Variants in ACTN2 observed in about 807,000 individuals in gnomAD.
ACTN2 encodes the protein alpha-actinin-2.
Under a neutral mutation model 113.8 loss-of-function variants are expected in ACTN2, and 39 were observed. The ratio of observed to expected loss-of-function variants is 0.34; its 90% CI spans 0.27 to 0.45. The LOEUF (loss-of-function observed/expected upper bound fraction) is 0.45. Among genes scored for constraint, ACTN2 ranks in the 20% least tolerant of loss-of-function variants. The pLI, the probability that ACTN2 is intolerant of heterozygous loss-of-function variation, is 1.00. For synonymous variants in ACTN2, 429 were observed against 444.1 expected, an observed-to-expected ratio of 0.97 and a Z score of 0.43; for missense variants, 992 against 1,177.9, an observed-to-expected ratio of 0.84 and a Z score of 2.31.
chr1:236,704,922 C>A (rs983528990), intron 1 of ACTN2, among the ~76,000 whole-genome samples: 3 of 152,220 alleles, frequency 2.0e-5, no homozygotes, highest in African/African-American at 7.2e-5. Context: ...TGTTCAGACT[C>A]TTCTTAGCCT....
chr1:236,687,591 A>G (rs1665921457), intron 1 of ACTN2, among the ~76,000 whole-genome samples: 1 of 152,232 alleles, frequency 6.6e-6, no homozygotes, highest in South Asian at 2.1e-4. Context: ...CCCAACCTTA[A>G]GATAACGGGG....
In ACTN2 at chr1:236,726,040, G is replaced by T; in HGVS notation, c.536+20G>T. The T allele has an allele frequency of 6.2e-7, 1 of 1,601,652 alleles. No homozygotes were observed. On this transcript the variant is annotated intron_variant, in intron 5 of 20. Transcript: ENST00000366578. ...TACTAGGTGAGCACCCAGGGCCCCT[G>T]GTCCTTGTATTCTCAGTGGAATCTG... is the stretch of plus-strand genomic sequence containing the variant.
In ACTN2 at chr1:236,737,303, A is replaced by G. The variant is rs896268457; in HGVS notation, c.876+89A>G. On this transcript the variant is annotated intron_variant, in intron 9 of 20. Coordinates refer to ENST00000366578, the MANE Select transcript of ACTN2 (RefSeq NM_001103.4). ...GAAAAAATACTCCGTGGGGGCATAT[A>G]TATATATATATATATTTTGCATTTT... 2.0e-4 allele frequency: 56 copies of G among 282,072 alleles called. 4 individuals carry two copies. Among genetic ancestry groups the G allele is most frequent in the South Asian group, 6.4e-4 (18 of 27,988 alleles). 17.5% of individuals were successfully genotyped at this position (282,072 alleles called of 1,614,324 possible).
chr1:236,729,439 G>A (rs1572123662), intron 6 of ACTN2, among the ~76,000 whole-genome samples: 2 of 152,332 alleles, frequency 1.3e-5, no homozygotes, highest in African/African-American at 2.4e-5. Context: ...GTGCTGGTGT[G>A]CTGAGCTCGC....
intron 9 of ACTN2, among the ~76,000 whole-genome samples, chr1:236,737,600 A>C: frequency 6.7e-6 from 1 of 149,840 alleles, no homozygotes; most frequent in Non-Finnish European, 1.5e-5. Flanking sequence ...GATGCACTCC[A>C]TATGCAAAAG....
rs977332742 is a variant in ACTN2, at chr1:236,762,444, T to A, written c.2527-17T>A. 1 of 1,613,938 alleles carries A rather than the reference T, an allele frequency of 6.2e-7. No individual in the cohort carries two copies. Among genetic ancestry groups the A allele is most frequent in the Non-Finnish European group, 8.5e-7 (1 of 1,179,930 alleles). ...GTTTCTGCAACTGACTGCAAACACG[T>A]GTGTATTTTTTCCCAGCCATACATC... is the stretch of plus-strand genomic sequence containing the variant. On this transcript the variant is annotated splice_polypyrimidine_tract_variant and intron_variant, in intron 20 of 20. Coordinates refer to ENST00000366578, the MANE Select transcript of ACTN2 (RefSeq NM_001103.4).
rs1166251830 is a variant in ACTN2 at position 236,762,813 on chromosome 1, C to T, written c.*194C>T. ...AGTTTTTACAGTATATGACATAGTG[C>T]GCTTCATAAATAGGTTTATTTCTGA... On this transcript the variant is annotated 3_prime_UTR_variant, in exon 21 of 21. Transcript: ENST00000366578. 1.2e-5 allele frequency: 8 copies of T among 651,336 alleles called. No individual in the cohort carries two copies. Among genetic ancestry groups the T allele is most frequent in the South Asian group, 5.4e-5 (3 of 55,078 alleles). The allele number at this position is 651,336 out of a possible 1,614,324, so 40.3% of individuals were successfully genotyped here.
At chr1:236,707,709 C>CT (rs5781919) in intron 1 of ACTN2, among the ~76,000 whole-genome samples, 10 of 78,766 alleles carry the variant, frequency 1.3e-4, no homozygotes, top group African/African-American at 3.5e-4. Context: ...TCTTTTTTTT[C>CT]TTTTTTTTTT....
At chr1:236,715,409 A>G (rs1238423399) in intron 1 of ACTN2, among the ~76,000 whole-genome samples, 4 of 150,708 alleles carry the variant, frequency 2.7e-5, no homozygotes, top group Middle Eastern at 3.2e-3. Context: ...TAAGTAATGA[A>G]TTCTTATCAT....
In ACTN2 at chr1:236,707,412, T is replaced by G. The variant is rs190613400; in HGVS notation, c.127-10446T>G. 1.2e-4 allele frequency among the ~76,000 whole-genome samples: 18 copies of G among 152,352 alleles called. No individual in the cohort carries two copies. The East Asian group carries it at 2.9e-3, about 25-fold the overall frequency. On this transcript the variant is annotated intron_variant, in intron 1 of 20. Transcript: ENST00000366578. ...GTTATTGGAGGCGGAATATCTCCTA[T>G]GCTCAAGTAGGCTTAAATCGTGACT...
intron 12 of ACTN2, among the ~76,000 whole-genome samples, chr1:236,745,370 C>T (rs1479099151): frequency 6.6e-6 from 1 of 152,114 alleles, no homozygotes; most frequent in African/African-American, 2.4e-5. Flanking sequence ...GGAGGCGGAG[C>T]TTGCAGTGAG....
chr1:236,742,267 A>G (rs181677660), intron 10 of ACTN2, among the ~76,000 whole-genome samples: 10 of 134,312 alleles, frequency 7.4e-5, no homozygotes, highest in African/African-American at 2.2e-4. Flanking sequence ...CTCTCCCCCA[A>G]CCACCATGGA....
chr1:236,755,281 T>A (rs1659522116), intron 17 of ACTN2, 83 bp downstream of exon 17: 1 of 1,502,736 alleles, frequency 6.7e-7, no homozygotes, highest in African/African-American at 1.4e-5. Flanking sequence ...CATGCACTTG[T>A]CTTTCTTTGT....
chr1:236,744,742 G>A lies in ACTN2; in HGVS notation c.1372G>A (p.Val458Met), dbSNP rs895000018. Reference sequence around the variant, plus strand: ...CGACCTGGCAGCGCACCAGGACCGCGTGGAGCAGATCGCAGCCATCGCGCA... The same window carrying A: ...CGACCTGGCAGCGCACCAGGACCGCATGGAGCAGATCGCAGCCATCGCGCA... ...ESDLAAHQDRVEQIAAIAQEL... is the reference protein window; with the variant it reads ...ESDLAAHQDRMEQIAAIAQEL... The change falls in exon 12 of 21, where the codon GTG (valine) becomes ATG (methionine). Residue 458 changes from valine to methionine, a missense_variant. Val to Met is a conservative substitution (Grantham distance 21, BLOSUM62 1). This residue lies in a region of ACTN2 where 736 missense variants were observed against 815.4 expected (regional missense o/e 0.90). Transcript: ENST00000366578. The A allele has an allele frequency of 1.4e-5, 22 of 1,614,076 alleles. No individual in the cohort carries two copies. The East Asian group carries it at 3.1e-4, about 23-fold the overall frequency.
Position 236,744,801 on chromosome 1 carries a change from C to T in ACTN2, c.1406+25C>T, listed in dbSNP as rs374679702. 2.3e-5 allele frequency: 37 copies of T among 1,613,778 alleles called. No homozygotes were observed. In the African/African-American group the frequency reaches 4.8e-4, roughly 21 times the overall value. ...AGTATGTGCAGATGCCCTCCGTCCT[C>T]CCGGGAGCCCCTGGGATTCCACAGA... On this transcript the variant is annotated intron_variant, in intron 12 of 20. Coordinates refer to ENST00000366578, the MANE Select transcript of ACTN2 (RefSeq NM_001103.4).
At chr1:236,752,350 C>T (rs1659419863) in intron 15 of ACTN2, among the ~76,000 whole-genome samples, 3 of 151,714 alleles carry the variant, frequency 2.0e-5, no homozygotes, top group South Asian at 4.2e-4. Flanking sequence ...TTATAAACAG[C>T]GCAAAAGACA....
rs374740141 is a variant in ACTN2, at chr1:236,761,222, C to G, written c.2526+49C>G. The G allele has an allele frequency of 1.9e-6, 3 of 1,608,300 alleles. No individual in the cohort carries two copies. The African/African-American group carries it at 4.0e-5, about 22-fold the overall frequency. On this transcript the variant is annotated intron_variant, in intron 20 of 20. Coordinates refer to ENST00000366578, the MANE Select transcript of ACTN2 (RefSeq NM_001103.4). The stretch of plus-strand genomic sequence containing the variant: ...TGCTTTAGCAGGAGTCCACTACATC[C>G]TTCTAACAAAAAAGGCAACAGTGTT...
At chr1:236,706,185 T>A (rs547201236) in intron 1 of ACTN2, among the ~76,000 whole-genome samples, 3 of 152,232 alleles carry the variant, frequency 2.0e-5, no homozygotes, top group African/African-American at 7.2e-5. Flanking sequence ...TTTGACATGA[T>A]AATAAGAAAT....
Position 236,742,906 on chromosome 1 carries a change from G to C in ACTN2, c.1118G>C (p.Gly373Ala). The C allele has an allele frequency of 6.2e-7, 1 of 1,614,198 alleles. No homozygotes were observed. Among genetic ancestry groups the C allele is most frequent in the South Asian group, 1.1e-5 (1 of 91,076 alleles). ...TTCCAACCATCCCAGGATATTGCTG[G>C]TGCCTGGCAGAGGCTGGAGCAGGCT... is the stretch of plus-strand genomic sequence containing the variant. Reference protein sequence around the residue: ...SEGKMVSDIAGAWQRLEQAEK... With the variant: ...SEGKMVSDIAAAWQRLEQAEK... The change falls in exon 11 of 21, where the codon GGT becomes GCT. Residue 373 changes from glycine to alanine, a missense_variant. Physicochemically the swap from Gly to Ala is moderately conservative, Grantham distance 60 (BLOSUM62 0). This residue lies in a region of ACTN2 where 736 missense variants were observed against 815.4 expected (regional missense o/e 0.90). Transcript: ENST00000366578.
Sources: allele counts gnomAD v4.1 joint callset (sites outside exome capture counted in the v4.1 genomes callset), GRCh38; gene constraint gnomAD v4.1.1; regional missense constraint gnomAD v4.1.1; transcripts MANE v1.5; gene names NCBI Gene and HGNC (gene_info 2026-07-23, HGNC 2026-07-21).